The following TMEM229B variants were observed in gnomAD, a reference collection of about 807,000 sequenced individuals.
The protein encoded by TMEM229B is chromosome 14 open reading frame 83.
Under a neutral mutation model 13.7 loss-of-function variants are expected in TMEM229B, and 6 were observed. The ratio of observed to expected loss-of-function variants is 0.44; its 90% CI spans 0.24 to 0.86. TMEM229B has a LOEUF of 0.86. TMEM229B is among the 40% of genes least tolerant of loss of function. TMEM229B has a pLI of 0.23. For missense variants in TMEM229B, 170 were observed against 236.0 expected, an observed-to-expected ratio of 0.72 and a Z score of 1.83; for synonymous variants, 107 against 102.1, an observed-to-expected ratio of 1.05 and a Z score of -0.29.
At chr14:67,520,106 C>T (rs2140268366), upstream of TMEM229B, among the ~76,000 whole-genome samples, 1 of 152,312 alleles carries the variant, frequency 6.6e-6, no homozygotes. Context: ...CCTGCCTCCA[C>T]ACATGCATAG....
rs140865950 is a variant in TMEM229B, at chr14:67,494,599, C to T, written c.-191-7427G>A. ...ACACACCATGCTTATACTCTGGACA[C>T]GGGTTGAGAGGTAGGGGATGCCTAG... On this transcript the variant is annotated intron_variant, in intron 1 of 2. Transcript: ENST00000357461. 3.2e-3 allele frequency among the ~76,000 whole-genome samples: 494 copies of T among 152,328 alleles called. 6 individuals are homozygous for T. Among genetic ancestry groups the T allele is most frequent in the Admixed American group, 5.2e-3 (79 of 15,292 alleles).
At chr14:67,528,464 C>T (rs954842604) in intron 1 of TMEM229B, among the ~76,000 whole-genome samples, 4 of 152,218 alleles carry the variant, frequency 2.6e-5, no homozygotes, top group Admixed American at 2.0e-4. Context: ...CAGTTCCTCC[C>T]TCCCCCAATT....
chr14:67,507,517 C>G (rs1211398668), intron 1 of TMEM229B, among the ~76,000 whole-genome samples: 1 of 152,044 alleles, frequency 6.6e-6, no homozygotes, highest in Non-Finnish European at 1.5e-5. Context: ...GGTGTGGTCA[C>G]AGCTCATTGC....
chr14:67,489,074 T>G (rs11158670), upstream of TMEM229B, among the ~76,000 whole-genome samples: 133,274 of 152,210 alleles, frequency 0.88, 58,455 homozygotes, highest in South Asian at 0.91. Context: ...TGAACCAGAG[T>G]TTCTTGGAAC....
At position 67,473,330 on chromosome 14, in the gene TMEM229B, T is replaced by A. The variant is rs941122718; in HGVS notation, c.*90A>T. The A allele has an allele frequency of 5.2e-6, 8 of 1,532,442 alleles. No individual in the cohort carries two copies. The highest frequency in any genetic ancestry group is 4.1e-5 in the African/African-American group (3 of 72,968). 94.9% of individuals were successfully genotyped at this position (1,532,442 alleles called of 1,614,324 possible). A position where few individuals can be genotyped will look rare whatever the true frequency, so the allele number is the denominator to read the frequency against. ...GCTGAGGCTTGGCCGGAGCAGGGCT[T>A]TTGCTGCATGGATGGGGCAACCTCA... On this transcript the variant is annotated 3_prime_UTR_variant, in exon 3 of 3. Transcript: ENST00000554480. The surrounding 1 kb of genome is among the most constrained non-coding windows in gnomAD (Gnocchi z 6.5).
intron 1 of TMEM229B, among the ~76,000 whole-genome samples, chr14:67,499,241 T>A (rs968028355): frequency 1.3e-5 from 2 of 152,122 alleles, no homozygotes; most frequent in Non-Finnish European, 2.9e-5. Flanking sequence ...TGGCCTCAAG[T>A]GATCCTCCTG....
At chr14:67,515,271 A>C (rs1406508804) in exon 1 of TMEM229B, 1 of 152,320 alleles carries the variant, frequency 6.6e-6, no homozygotes, top group African/African-American at 2.4e-5. Context: ...CCCCGCGCCG[A>C]GTTGCGGGCC....
At chr14:67,475,598 G>C (rs1566671445) in intron 2 of TMEM229B, among the ~76,000 whole-genome samples, 1 of 152,184 alleles carries the variant, frequency 6.6e-6, no homozygotes, top group African/African-American at 2.4e-5. Flanking sequence ...TAATGGGTGT[G>C]AGGTGGTTCT....
chr14:67,505,668 G>A (rs1051277219), intron 1 of TMEM229B, among the ~76,000 whole-genome samples: 7 of 152,166 alleles, frequency 4.6e-5, no homozygotes, highest in African/African-American at 9.6e-5. Context: ...GATTTCAGGG[G>A]CTGAGGAAGG....
Position 67,473,379 on chromosome 14 carries a change from A to G in TMEM229B, c.*41T>C. ...CACCAGCTTGGTCTCTTTGTCCATGAGTTCCATGAGAGATCCCCAGGCCCC... is the reference window on the plus strand; with the variant it reads ...CACCAGCTTGGTCTCTTTGTCCATGGGTTCCATGAGAGATCCCCAGGCCCC... On this transcript the variant is annotated 3_prime_UTR_variant, in exon 3 of 3. Coordinates refer to ENST00000554480, the MANE Select transcript of TMEM229B (RefSeq NM_001348543.2). The surrounding 1 kb of genome is among the most constrained non-coding windows in gnomAD (Gnocchi z 6.5). The G allele has an allele frequency of 1.3e-6, 2 of 1,595,796 alleles. No individual in the cohort carries two copies. The highest frequency in any genetic ancestry group is 1.3e-5 in the African/African-American group (1 of 74,592).
At chr14:67,501,209 A>G (rs2032598632) in intron 1 of TMEM229B, among the ~76,000 whole-genome samples, 1 of 152,060 alleles carries the variant, frequency 6.6e-6, no homozygotes, top group African/African-American at 2.4e-5. Context: ...AGGACACATC[A>G]GTTCATCCCA....
intron 2 of TMEM229B, among the ~76,000 whole-genome samples, chr14:67,474,778 ACTCTGGGTGC>A (rs1167693275): frequency 6.6e-6 from 1 of 151,728 alleles, no homozygotes. Flanking sequence ...GAATTTGACT[ACTCTGGGTGC>A]CTCATATAAG....
At chr14:67,474,820 C>T (rs556128948) in intron 2 of TMEM229B, among the ~76,000 whole-genome samples, 1 of 152,074 alleles carries the variant, frequency 6.6e-6, no homozygotes, top group South Asian at 2.1e-4. Context: ...AAACACTGTC[C>T]TTTTGTGACT....
upstream of TMEM229B, among the ~76,000 whole-genome samples, chr14:67,519,168 A>G (rs1324412324): frequency 2.0e-5 from 3 of 152,200 alleles, no homozygotes; most frequent in Non-Finnish European, 4.4e-5. Context: ...TAGGAAGGAA[A>G]GGGGCATAAA....
rs1337465902 is a variant in TMEM229B at position 67,482,058 on chromosome 14, T to G, written c.-19+4942A>C. ...GAACAACATTCAAATCCGAGAGTCC[T>G]CATACCTGATGAAAGGGCCTGGGCA... On this transcript the variant is annotated intron_variant, in intron 2 of 2. Transcript: ENST00000554480. Among the ~76,000 whole-genome samples, 3 of 152,164 alleles carry G rather than the reference T, an allele frequency of 2.0e-5. No homozygotes were observed. The South Asian group carries it at 6.2e-4, about 31-fold the overall frequency.
chr14:67,505,885 C>T (rs185380466), intron 1 of TMEM229B, among the ~76,000 whole-genome samples: 2 of 152,052 alleles, frequency 1.3e-5, no homozygotes, highest in African/African-American at 2.4e-5. Context: ...TTTTTAGTAG[C>T]GACAGGGTTT....
chr14:67,475,540 C>T (rs745307551), intron 2 of TMEM229B, among the ~76,000 whole-genome samples: 14 of 152,184 alleles, frequency 9.2e-5, no homozygotes, highest in Admixed American at 2.6e-4. Context: ...TCTCCACATC[C>T]ACCCCAAACA....
chr14:67,473,406 C>G lies in TMEM229B; in HGVS notation c.*14G>C, dbSNP rs562475533. ...TTCCATGAGAGATCCCCAGGCCCCCCACCCGCTTCCTGCTCAGTCAGTCTT... is the reference window on the plus strand; with the variant it reads ...TTCCATGAGAGATCCCCAGGCCCCCGACCCGCTTCCTGCTCAGTCAGTCTT... On this transcript the variant is annotated 3_prime_UTR_variant, in exon 3 of 3. Transcript: ENST00000554480. The surrounding 1 kb of genome is among the most constrained non-coding windows in gnomAD (Gnocchi z 6.5). The G allele has an allele frequency of 3.1e-6, 5 of 1,610,700 alleles. No individual in the cohort carries two copies. Among genetic ancestry groups the G allele is most frequent in the Middle Eastern group, 1.7e-4 (1 of 5,784 alleles).
At chr14:67,497,039 G>A (rs770071948) in intron 1 of TMEM229B, among the ~76,000 whole-genome samples, 3 of 151,780 alleles carry the variant, frequency 2.0e-5, no homozygotes, top group African/African-American at 7.3e-5. Context: ...TGATCGGCCC[G>A]CCTCAGCCTC....
Sources: allele counts gnomAD v4.1 joint callset (sites outside exome capture counted in the v4.1 genomes callset), GRCh38; gene constraint gnomAD v4.1.1; non-coding constraint Gnocchi (gnomAD v3.1); transcripts MANE v1.5; gene names NCBI Gene and HGNC (gene_info 2026-07-23, HGNC 2026-07-21).